The following C1orf105 variants were observed in gnomAD, a reference collection of about 807,000 sequenced individuals.
The protein encoded by C1orf105 is chromosome 1 open reading frame 105, also known as uncharacterized protein C1orf105.
A neutral mutation model predicts 20.8 loss-of-function variants in C1orf105; 17 were observed. The ratio of observed to expected loss-of-function variants is 0.82; its 90% confidence interval spans 0.56 to 1.23. The LOEUF (loss-of-function observed/expected upper bound fraction) is 1.23, where lower values mean the gene tolerates loss of function less well. Among genes scored for constraint, C1orf105 ranks in the 50% most tolerant of loss-of-function variants. C1orf105 has a pLI of 0.00. For missense variants in C1orf105, 219 were observed against 213.5 expected (o/e 1.03, Z -0.16); for synonymous variants, 72 against 72.1 (o/e 1.00, Z 0.01).
At chr1:172,426,028 A>G (rs1035711582) in intron 1 of C1orf105, among the ~76,000 whole-genome samples, 1 of 152,058 alleles carries the variant, frequency 6.6e-6, no homozygotes, top group Non-Finnish European at 1.5e-5. Context: ...GCAGTTCTGT[A>G]TGTTCCTATT....
At chr1:172,444,331 A>G in intron 1 of C1orf105, 1 of 983,290 alleles carries the variant, frequency 1.0e-6, no homozygotes. Context: ...AGTAGGTGAG[A>G]GATAATGGCC....
In C1orf105 at chr1:172,444,253, T is replaced by C. The variant is rs144595743; in HGVS notation, c.22-820T>C. On this transcript the variant is annotated intron_variant, in intron 1 of 6. Transcript: ENST00000367727. Reference sequence around the variant, plus strand: ...AAGGCAAATCCCCAGCAATCCCCTATTGAAAGATGGGATGTGCCATCTGAA... The same window carrying C: ...AAGGCAAATCCCCAGCAATCCCCTACTGAAAGATGGGATGTGCCATCTGAA... 1.7e-4 allele frequency: 171 copies of C among 985,324 alleles called. 1 individual carries two copies. The African/African-American group carries it at 2.4e-3, about 14-fold the overall frequency. 61.0% of individuals were successfully genotyped at this position (985,324 alleles called of 1,614,324 possible).
chr1:172,456,886 T>C (rs773174686), intron 4 of C1orf105, among the ~76,000 whole-genome samples: 10 of 152,140 alleles, frequency 6.6e-5, no homozygotes, highest in Non-Finnish European at 1.5e-4. Flanking sequence ...AGCTTCATCT[T>C]TGGGTTTACT....
intron 5 of C1orf105, among the ~76,000 whole-genome samples, chr1:172,463,613 A>G (rs1649844849): frequency 1.3e-5 from 2 of 152,248 alleles, no homozygotes; most frequent in South Asian, 4.1e-4. Context: ...TTTAAATGGA[A>G]AACTGAAGCA....
intron 1 of C1orf105, among the ~76,000 whole-genome samples, chr1:172,421,649 ACTAT>A (rs2071592549): frequency 6.6e-6 from 1 of 152,080 alleles, no homozygotes; most frequent in African/African-American, 2.4e-5. Context: ...AAATTTAACA[ACTAT>A]CTACACAAAA....
rs560952783 is a variant in C1orf105, at chr1:172,437,126, C to A, written c.22-7947C>A. ...AGGATGTGGAGAAATAACACTTTTACACTGCTGGTGGGAGTGTAAATTAGT... is the reference window on the plus strand; with the variant it reads ...AGGATGTGGAGAAATAACACTTTTAAACTGCTGGTGGGAGTGTAAATTAGT... On this transcript the variant is annotated intron_variant, in intron 1 of 6. Coordinates refer to ENST00000367727, the MANE Select transcript of C1orf105 (RefSeq NM_139240.4). Among the ~76,000 whole-genome samples, 193 of 152,316 alleles carry A rather than the reference C, an allele frequency of 1.3e-3. 2 individuals are homozygous for A. Among genetic ancestry groups the A allele is most frequent in the Middle Eastern group, 6.8e-3 (2 of 294 alleles).
intron 1 of C1orf105, among the ~76,000 whole-genome samples, chr1:172,437,837 T>TA (rs566211954): frequency 3.4e-4 from 52 of 152,038 alleles, no homozygotes; most frequent in Non-Finnish European, 4.6e-4. Context: ...TCAATGTAGA[T>TA]AAAAAAGCCT....
At chr1:172,446,903 A>G (rs1309495599) in intron 2 of C1orf105, among the ~76,000 whole-genome samples, 2 of 152,220 alleles carry the variant, frequency 1.3e-5, no homozygotes, top group Non-Finnish European at 2.9e-5. Context: ...CAGGCAGTGA[A>G]GCTCTACTCA....
chr1:172,453,973 A>G (rs1648952652), intron 3 of C1orf105, among the ~76,000 whole-genome samples: 1 of 152,186 alleles, frequency 6.6e-6, no homozygotes, highest in Admixed American at 6.5e-5. Flanking sequence ...CTGTACTCAC[A>G]TTTACAGTTG....
intron 1 of C1orf105, chr1:172,442,463 CAA>C: frequency 1.2e-6 from 2 of 1,614,162 alleles, no homozygotes; most frequent in Non-Finnish European, 1.7e-6. Flanking sequence ...ACACTGGACT[CAA>C]ATACCACAGC....
chr1:172,448,423 C>T lies in C1orf105; in HGVS notation c.108-18C>T. The T allele has an allele frequency of 6.4e-7, 1 of 1,556,796 alleles. No individual in the cohort carries two copies. Among genetic ancestry groups the T allele is most frequent in the Non-Finnish European group, 8.8e-7 (1 of 1,130,962 alleles). ...CATGGGACTGCGGTTCTAACGTTCT[C>T]TTGTTTTAATTACTTAGATATCCTC... On this transcript the variant is annotated intron_variant, in intron 2 of 6. Transcript: ENST00000367727.
intron 1 of C1orf105, among the ~76,000 whole-genome samples, chr1:172,422,103 C>CT (rs1423267530): frequency 6.6e-6 from 1 of 152,090 alleles, no homozygotes; most frequent in African/African-American, 2.4e-5. Flanking sequence ...GTGCTGGGCT[C>CT]TGAGCCAGTG....
At chr1:172,424,134 T>C (rs1360566555) in intron 1 of C1orf105, among the ~76,000 whole-genome samples, 1 of 152,190 alleles carries the variant, frequency 6.6e-6, no homozygotes, top group Non-Finnish European at 1.5e-5. Context: ...TATCATACAT[T>C]ATGTCACATC....
chr1:172,453,121 A>T, intron 3 of C1orf105: 1 of 1,550,988 alleles, frequency 6.4e-7, no homozygotes, highest in Middle Eastern at 1.7e-4. Context: ...CAATGCCCTC[A>T]TCCCTTCTCC....
intron 3 of C1orf105, among the ~76,000 whole-genome samples, chr1:172,455,539 A>G (rs1405434806): frequency 6.6e-6 from 1 of 152,244 alleles, no homozygotes; most frequent in Admixed American, 6.5e-5. Flanking sequence ...AGAGAATCCC[A>G]AACATAAGTT....
At chr1:172,434,385 G>C (rs537655091) in intron 1 of C1orf105, among the ~76,000 whole-genome samples, 38 of 152,252 alleles carry the variant, frequency 2.5e-4, no homozygotes, top group Middle Eastern at 3.4e-3. Flanking sequence ...TAAAAGAACA[G>C]AAATCACAAC....
At chr1:172,439,388 T>G (rs2072143156) in intron 1 of C1orf105, among the ~76,000 whole-genome samples, 2 of 152,158 alleles carry the variant, frequency 1.3e-5, no homozygotes, top group South Asian at 4.1e-4. Flanking sequence ...ATGCATCAGG[T>G]CCTGTGCACT....
At chr1:172,428,252 GCTTGT>G (rs1454132357) in intron 1 of C1orf105, among the ~76,000 whole-genome samples, 1 of 152,104 alleles carries the variant, frequency 6.6e-6, no homozygotes, top group Non-Finnish European at 1.5e-5. Flanking sequence ...ATTATCCCTT[GCTTGT>G]ATTACTGCAA....
rs1573897651 is a variant in C1orf105, at chr1:172,465,444, A to G, written c.406+81A>G. Reference sequence around the variant, plus strand: ...AGAATGACAGTCTAATCCCTAAAATAATTTCTAAATTTCCTGAGCAAATCC... The same window carrying G: ...AGAATGACAGTCTAATCCCTAAAATGATTTCTAAATTTCCTGAGCAAATCC... On this transcript the variant is annotated intron_variant, in intron 6 of 6. Transcript: ENST00000367727. The G allele has an allele frequency of 3.0e-6, 3 of 1,012,836 alleles. No individual in the cohort carries two copies. In the East Asian group the frequency reaches 7.2e-5, roughly 24 times the overall value. 62.7% of individuals were successfully genotyped at this position (1,012,836 alleles called of 1,614,324 possible). A position where few individuals can be genotyped will look rare whatever the true frequency, so the allele number is the denominator to read the frequency against.
Sources: allele counts gnomAD v4.1 joint callset (sites outside exome capture counted in the v4.1 genomes callset), GRCh38; gene constraint gnomAD v4.1.1; transcripts MANE v1.5; gene names NCBI Gene and HGNC (gene_info 2026-07-23, HGNC 2026-07-21).